Variants in BTG4 observed in about 807,000 individuals in gnomAD.
BTG4 encodes protein BTG4.
Under a neutral mutation model 19.3 loss-of-function variants are expected in BTG4, and 10 were observed. The observed-to-expected ratio is 0.52, with a 90% CI of 0.32 to 0.88. BTG4 has a LOEUF of 0.88. Ranked by LOEUF, BTG4 falls within the 40% of genes least tolerant of loss-of-function variation. The pLI, the probability that BTG4 is intolerant of heterozygous loss-of-function variation, is 0.04. For synonymous variants in BTG4, 91 were observed against 95.7 expected, an observed-to-expected ratio of 0.95 and a Z score of 0.29; for missense variants, 238 against 281.9, an observed-to-expected ratio of 0.84 and a Z score of 1.11.
the BTG4 span, among the ~76,000 whole-genome samples, chr11:111,413,770 C>A: frequency 6.6e-6 from 1 of 152,218 alleles, no homozygotes; most frequent in African/African-American, 2.4e-5. Flanking sequence ...TGGAGGAAGG[C>A]TCAGCAGTAG....
the BTG4 span, among the ~76,000 whole-genome samples, chr11:111,419,720 G>A: frequency 3.3e-5 from 5 of 152,352 alleles, no homozygotes; most frequent in African/African-American, 7.2e-5. Flanking sequence ...AGGCCATGGC[G>A]CTGCCAGACA....
upstream of BTG4, among the ~76,000 whole-genome samples, chr11:111,513,882 A>T (rs1196489221): frequency 1.3e-5 from 2 of 152,226 alleles, no homozygotes; most frequent in Non-Finnish European, 2.9e-5. Context: ...AAAGTGCCAT[A>T]AAGACATAAA....
rs751689673 is a variant in BTG4, at chr11:111,497,293, G to A, written c.428C>T (p.Ser143Phe). ...AVSRASSDVS[S>F]GTSCDEESCS... ...ACTTTCTTCATCGCAGGAAGTGCCA[G>A]AGGAAACGTCTGATGAGGCTCTACT... Residue 143 changes from serine to phenylalanine, a missense_variant, in exon 4 of 5, where the codon TCT (serine) becomes TTT (phenylalanine). Coordinates refer to ENST00000692032, the MANE Select transcript of BTG4 (RefSeq NM_001367975.1). 1.9e-5 allele frequency: 31 copies of A among 1,610,780 alleles called. No homozygotes were observed. In the Admixed American group the frequency reaches 3.4e-4, roughly 17 times the overall value.
At chr11:111,386,919 T>G in the BTG4 span, among the ~76,000 whole-genome samples, 1 of 152,224 alleles carries the variant, frequency 6.6e-6, no homozygotes, top group African/African-American at 2.4e-5. Flanking sequence ...CAGCAGGATA[T>G]AGTGAAGAGA....
At chr11:111,465,737 G>C (rs1863682288), downstream of BTG4, among the ~76,000 whole-genome samples, 1 of 152,162 alleles carries the variant, frequency 6.6e-6, no homozygotes. Context: ...GAGTTCCCAG[G>C]AGGGCAGATC....
upstream of BTG4, among the ~76,000 whole-genome samples, chr11:111,512,724 G>A (rs1867039173): frequency 6.6e-6 from 1 of 152,114 alleles, no homozygotes; most frequent in African/African-American, 2.4e-5. Context: ...GCCTGGGAGG[G>A]CGCGGGTCCT....
downstream of BTG4, among the ~76,000 whole-genome samples, chr11:111,466,097 T>A (rs1213248456): frequency 6.6e-6 from 1 of 152,194 alleles, no homozygotes; most frequent in Non-Finnish European, 1.5e-5. Flanking sequence ...CTTGTTTATA[T>A]CTTCTAGTTC....
chr11:111,500,406 T>G (rs187678099), intron 1 of BTG4, among the ~76,000 whole-genome samples: 2 of 152,286 alleles, frequency 1.3e-5, no homozygotes, highest in Admixed American at 1.3e-4. Flanking sequence ...TCTAAAAAGC[T>G]CCAAATAACA....
chr11:111,447,866 C>A, the BTG4 span, among the ~76,000 whole-genome samples: 1 of 152,204 alleles, frequency 6.6e-6, no homozygotes, highest in Admixed American at 6.5e-5. Flanking sequence ...AGTTGGGATC[C>A]TGGGTCCACT....
chr11:111,385,622 G>A, the BTG4 span: 6 of 151,802 alleles, frequency 4.0e-5, no homozygotes, highest in Non-Finnish European at 8.8e-5. Context: ...ATGCAAGGAT[G>A]GTTTATTCTT....
chr11:111,489,125 A>G (rs191027405), intron 5 of BTG4, among the ~76,000 whole-genome samples: 2 of 150,882 alleles, frequency 1.3e-5, no homozygotes, highest in East Asian at 3.9e-4. Context: ...CCTGGGCAAC[A>G]AGAGTGAAAC....
chr11:111,440,181 C>T, the BTG4 span, among the ~76,000 whole-genome samples: 1 of 152,152 alleles, frequency 6.6e-6, no homozygotes, highest in Admixed American at 6.5e-5. Flanking sequence ...AGCAAAGGGC[C>T]TGCACATGGC....
At chr11:111,425,285 C>A in the BTG4 span, among the ~76,000 whole-genome samples, 2 of 152,096 alleles carry the variant, frequency 1.3e-5, no homozygotes, top group African/African-American at 2.4e-5. Context: ...GGCCCTGCTG[C>A]ATGCCAGGCA....
At chr11:111,423,350 T>C in the BTG4 span, among the ~76,000 whole-genome samples, 2 of 152,224 alleles carry the variant, frequency 1.3e-5, no homozygotes, top group Non-Finnish European at 2.9e-5. Context: ...ATCCTAAGAA[T>C]CAAATCCTTT....
chr11:111,444,210 T>C, the BTG4 span, among the ~76,000 whole-genome samples: 1 of 145,514 alleles, frequency 6.9e-6, no homozygotes, highest in Non-Finnish European at 1.5e-5. Flanking sequence ...TGTGTGTGTG[T>C]AGAGACAGTG....
the BTG4 span, among the ~76,000 whole-genome samples, chr11:111,389,444 TG>T: frequency 6.6e-6 from 1 of 152,368 alleles, no homozygotes; most frequent in Admixed American, 6.5e-5. Context: ...AGGCATTTGT[TG>T]GCCATAGTAA....
the BTG4 span, among the ~76,000 whole-genome samples, chr11:111,389,837 C>T: frequency 6.6e-6 from 1 of 151,996 alleles, no homozygotes; most frequent in Non-Finnish European, 1.5e-5. Context: ...ACAATCACAC[C>T]ATAAAAAAAC....
the BTG4 span, among the ~76,000 whole-genome samples, chr11:111,433,248 G>A: frequency 6.6e-6 from 1 of 152,182 alleles, no homozygotes; most frequent in Non-Finnish European, 1.5e-5. Flanking sequence ...TGAAGCAACT[G>A]TGGTGTGGGG....
In BTG4 at chr11:111,500,948, G is replaced by A. The variant is rs113450960; in HGVS notation, c.-26-2146C>T. On this transcript the variant is annotated intron_variant, in intron 1 of 4. Coordinates refer to ENST00000692032, the MANE Select transcript of BTG4 (RefSeq NM_001367975.1). ...GCATTAAGATCGGATAGACCTGAGT[G>A]TGAATTGCAACTTTAAGACTCACCA... Among the ~76,000 whole-genome samples the A allele has an allele frequency of 6.8e-3, 1,038 of 152,208 alleles. 10 individuals are homozygous for A. Among genetic ancestry groups the A allele is most frequent in the African/African-American group, 0.023 (971 of 41,522 alleles).
Sources: gnomAD v4.1 joint callset for allele counts (sites outside exome capture counted in the v4.1 genomes callset) on GRCh38, gnomAD v4.1.1 for gene constraint, MANE v1.5 for transcripts, NCBI Gene and HGNC (gene_info 2026-07-23, HGNC 2026-07-21) for gene names.